PCDHA6: variants seen among roughly 807,000 people sequenced by gnomAD.
The protein encoded by PCDHA6 is protocadherin alpha 6.
A neutral mutation model predicts 60.3 loss-of-function variants in PCDHA6; 55 were observed. The observed-to-expected ratio is 0.91, with a 90% CI of 0.73 to 1.14. The LOEUF (loss-of-function observed/expected upper bound fraction) is 1.14. Ranked by LOEUF, PCDHA6 falls within the 50% of genes most tolerant of loss-of-function variation. PCDHA6 has a pLI of 0.00. For synonymous variants in PCDHA6, 652 were observed against 557.9 expected, an observed-to-expected ratio of 1.17 and a Z score of -2.38; for missense variants, 1,327 against 1,256.5, an observed-to-expected ratio of 1.06 and a Z score of -0.85.
At position 140,869,261 on chromosome 5, in the gene PCDHA6, G is replaced by A. The variant is rs782291113; in HGVS notation, c.2394+38776G>A. 3 of 1,613,572 alleles carry A rather than the reference G, an allele frequency of 1.9e-6. No individual in the cohort carries two copies. In the Admixed American group the frequency reaches 5.0e-5, roughly 27 times the overall value. On this transcript the variant is annotated intron_variant, in intron 1 of 3. Transcript: ENST00000529310. ...GTGGGCCGCATCGCGCAGGACCTGG[G>A]GCTGGAGCTGGCGGAGCTGGTGCAG...
Position 140,870,545 on chromosome 5 carries a change from C to T in PCDHA6, c.2394+40060C>T, listed in dbSNP as rs1029944968. The T allele has an allele frequency of 1.2e-6, 2 of 1,614,108 alleles. No individual in the cohort carries two copies. Among genetic ancestry groups the T allele is most frequent in the Admixed American group, 1.7e-5 (1 of 60,034 alleles). On this transcript the variant is annotated intron_variant, in intron 1 of 3. Coordinates refer to ENST00000529310, the MANE Select transcript of PCDHA6 (RefSeq NM_018909.4). The stretch of plus-strand genomic sequence containing the variant: ...ATCTTCACAGTGTCGGCGCGGGACG[C>T]GGACGCGCAGGAGAACGCGCTGGTG...
intron 1 of PCDHA6, chr5:140,928,374 C>T (rs782659188): frequency 6.2e-7 from 1 of 1,614,172 alleles, no homozygotes; most frequent in Non-Finnish European, 8.5e-7. Flanking sequence ...GGCCATCAGC[C>T]TCTAGCTTGC....
intron 1 of PCDHA6, among the ~76,000 whole-genome samples, chr5:140,976,809 T>C (rs1563451400): frequency 6.6e-6 from 1 of 152,220 alleles, no homozygotes; most frequent in Non-Finnish European, 1.5e-5. Flanking sequence ...TATCTGAAGA[T>C]ATGCATGTGT....
At chr5:140,961,936 T>C (rs1163967895) in intron 1 of PCDHA6, among the ~76,000 whole-genome samples, 1 of 151,364 alleles carries the variant, frequency 6.6e-6, no homozygotes, top group Non-Finnish European at 1.5e-5. Flanking sequence ...CAGGCTGGAG[T>C]GCAGTGGCAT....
Position 140,835,940 on chromosome 5 carries a change from G to A in PCDHA6, c.2394+5455G>A. 6 of 1,612,590 alleles carry A rather than the reference G, an allele frequency of 3.7e-6. No homozygotes were observed. In the South Asian group the frequency reaches 6.6e-5, roughly 18 times the overall value. ...ACGCGGAGAGCGGCAAGGTGTACGCGCTGCAGCCGTTGGACCACGAGGAGC... is the reference window on the plus strand; with the variant it reads ...ACGCGGAGAGCGGCAAGGTGTACGCACTGCAGCCGTTGGACCACGAGGAGC... On this transcript the variant is annotated intron_variant, in intron 1 of 3. Transcript: ENST00000529310.
At chr5:140,848,041 T>C (rs1245564819) in intron 1 of PCDHA6, 2 of 159,606 alleles carry the variant, frequency 1.3e-5, no homozygotes, top group Admixed American at 5.9e-5. Context: ...CTCAATGGAA[T>C]CATTTTAATT....
intron 2 of PCDHA6, among the ~76,000 whole-genome samples, chr5:140,981,439 T>C (rs1468864699): frequency 6.6e-6 from 1 of 152,128 alleles, no homozygotes; most frequent in Non-Finnish European, 1.5e-5. Flanking sequence ...CCAGGCATGG[T>C]GGCGGGTGCC....
chr5:140,923,133 G>T (rs1177084353), intron 1 of PCDHA6, among the ~76,000 whole-genome samples: 3 of 152,082 alleles, frequency 2.0e-5, no homozygotes, highest in African/African-American at 7.2e-5. Context: ...ACACTTTGAA[G>T]GTGGAATATA....
At chr5:140,963,530 A>T (rs1031416091) in intron 1 of PCDHA6, among the ~76,000 whole-genome samples, 29 of 152,216 alleles carry the variant, frequency 1.9e-4, no homozygotes, top group African/African-American at 6.8e-4. Context: ...CAGAAGTCCC[A>T]TTTACTTCAT....
At position 140,941,246 on chromosome 5, in the gene PCDHA6, T is replaced by TCCTTC. The variant is rs1465255424; in HGVS notation, c.2395-37702_2395-37701insCTTCC. Among the ~76,000 whole-genome samples, 4 of 141,078 alleles carry TCCTTC rather than the reference T, an allele frequency of 2.8e-5. No individual in the cohort carries two copies. In the East Asian group the frequency reaches 8.2e-4, roughly 29 times the overall value. 92.6% of individuals were successfully genotyped at this position (141,078 alleles called of 152,430 possible). On this transcript the variant is annotated intron_variant, in intron 1 of 3. Coordinates refer to ENST00000529310, the MANE Select transcript of PCDHA6 (RefSeq NM_018909.4). Reference sequence around the variant, plus strand: ...TTCTTTCTTTCTTTCTTTCTTTCTTTCTTTCTTTCTCTTTCTTTCTTTCTT... The same window carrying TCCTTC: ...TTCTTTCTTTCTTTCTTTCTTTCTTTCCTTCCTTTCTTTCTCTTTCTTTCTTTCTT...
chr5:140,980,036 G>A (rs952735379), intron 2 of PCDHA6, among the ~76,000 whole-genome samples: 9 of 152,294 alleles, frequency 5.9e-5, no homozygotes, highest in Non-Finnish European at 1.0e-4. Flanking sequence ...ATTACATTGG[G>A]TGCTATTTCT....
At chr5:140,941,221 T>TTCTTTCTTTCTTTCTTTCTC (rs1563186510) in intron 1 of PCDHA6, among the ~76,000 whole-genome samples, 1 of 131,536 alleles carries the variant, frequency 7.6e-6, no homozygotes, top group Admixed American at 7.9e-5. Context: ...CTTCCTTTCT[T>TTCTTTCTTTCTTTCTTTCTC]TCTTTCTTTC....
chr5:140,979,391 T>C (rs1298274291), intron 2 of PCDHA6, among the ~76,000 whole-genome samples: 1 of 152,202 alleles, frequency 6.6e-6, no homozygotes, highest in Non-Finnish European at 1.5e-5. Context: ...AATGTATACA[T>C]ACATGTTGTC....
intron 1 of PCDHA6, among the ~76,000 whole-genome samples, chr5:140,958,001 T>C (rs1257234939): frequency 6.6e-6 from 1 of 152,144 alleles, no homozygotes; most frequent in Non-Finnish European, 1.5e-5. Flanking sequence ...ATTTTTTGTT[T>C]CAATTCTATC....
intron 1 of PCDHA6, among the ~76,000 whole-genome samples, chr5:140,895,931 C>A (rs1365477787): frequency 5.3e-5 from 8 of 152,210 alleles, no homozygotes; most frequent in African/African-American, 1.9e-4. Flanking sequence ...CTGCCTCAGC[C>A]TCCCGAGTAG....
At chr5:140,966,882 C>T (rs782464160) in intron 1 of PCDHA6, 1 of 1,589,690 alleles carries the variant, frequency 6.3e-7, no homozygotes, top group Admixed American at 1.7e-5. Flanking sequence ...CTACCTGGCC[C>T]TGCGGCCTCC....
intron 1 of PCDHA6, among the ~76,000 whole-genome samples, chr5:140,954,720 T>C (rs1255262640): frequency 1.3e-5 from 2 of 152,168 alleles, no homozygotes; most frequent in African/African-American, 4.8e-5. Context: ...ATTCTGTAGG[T>C]TGTCTTTTCA....
rs548585515 is a variant in PCDHA6 at position 140,853,706 on chromosome 5, G to A, written c.2394+23221G>A. 358 of 988,170 alleles carry A rather than the reference G, an allele frequency of 3.6e-4. 28 individuals are homozygous for A. The South Asian group carries it at 0.015, about 41-fold the overall frequency. The allele number at this position is 988,170 out of a possible 1,614,324, so 61.2% of individuals were successfully genotyped here. A position where few individuals can be genotyped will look rare whatever the true frequency, so the allele number is the denominator to read the frequency against. ...TATCCTTAGACCTGCTAACGCATTA[G>A]CATTAGCAGCACCTAAGTCCTCATT... On this transcript the variant is annotated intron_variant, in intron 1 of 3. Coordinates refer to ENST00000529310, the MANE Select transcript of PCDHA6 (RefSeq NM_018909.4).
intron 1 of PCDHA6, among the ~76,000 whole-genome samples, chr5:140,950,636 T>A (rs528587890): frequency 1.4e-3 from 206 of 152,222 alleles, no homozygotes; most frequent in Non-Finnish European, 2.4e-3. Flanking sequence ...TTTATTTTTA[T>A]CCTGTTTATG....
Sources: allele counts gnomAD v4.1 joint callset (sites outside exome capture counted in the v4.1 genomes callset), GRCh38; gene constraint gnomAD v4.1.1; transcripts MANE v1.5; gene names NCBI Gene and HGNC (gene_info 2026-07-23, HGNC 2026-07-21).